The following SLC7A11 variants were observed in gnomAD, a reference collection of about 807,000 sequenced individuals.
The protein encoded by SLC7A11 is solute carrier family 7 member 11.
A neutral mutation model predicts 54.5 loss-of-function variants in SLC7A11; 35 were observed. The ratio of observed to expected loss-of-function variants is 0.64; its 90% confidence interval spans 0.49 to 0.85. The LOEUF is 0.85. Ranked by LOEUF, SLC7A11 falls within the 40% of genes least tolerant of loss-of-function variation. SLC7A11 has a pLI of 0.00. For missense variants in SLC7A11, 583 were observed against 618.1 expected (o/e 0.94, Z 0.60); for synonymous variants, 230 against 225.2 (o/e 1.02, Z -0.19).
chr4:138,241,723 T>C (rs1014778682), intron 1 of SLC7A11, 70 bp downstream of exon 1: 2 of 1,285,520 alleles, frequency 1.6e-6, no homozygotes, highest in East Asian at 2.3e-5. Flanking sequence ...AAAACTACCA[T>C]TTGCTTTCCC....
At chr4:138,233,016 CAAG>C (rs1738118362) in intron 2 of SLC7A11, among the ~76,000 whole-genome samples, 1 of 151,658 alleles carries the variant, frequency 6.6e-6, no homozygotes, top group Non-Finnish European at 1.5e-5. Flanking sequence ...ATAAATGAGA[CAAG>C]AATATGAAAT....
At chr4:138,181,172 A>G (rs1321751861) in intron 9 of SLC7A11, among the ~76,000 whole-genome samples, 1 of 152,146 alleles carries the variant, frequency 6.6e-6, no homozygotes, top group Non-Finnish European at 1.5e-5. Flanking sequence ...ACCGATAATG[A>G]ACAGTAAAAG....
intron 11 of SLC7A11, among the ~76,000 whole-genome samples, chr4:138,172,894 A>G (rs746963256): frequency 1.3e-5 from 2 of 152,096 alleles, no homozygotes; most frequent in Non-Finnish European, 2.9e-5. Flanking sequence ...CCCAGGTTAG[A>G]GTGCAATGGT....
intron 1 of SLC7A11, among the ~76,000 whole-genome samples, chr4:138,237,722 TATATATA>T (rs1738255798): frequency 1.5e-3 from 15 of 10,318 alleles, no homozygotes; most frequent in Non-Finnish European, 2.4e-3. Context: ...TATATATATA[TATATATA>T]TATATATATT....
intron 6 of SLC7A11, among the ~76,000 whole-genome samples, chr4:138,199,095 A>G (rs148205723): frequency 2.0e-5 from 3 of 152,234 alleles, no homozygotes; most frequent in African/African-American, 4.8e-5. Context: ...CAATAAACAA[A>G]CAAGTAAATA....
chr4:138,211,537 A>C (rs1737548506), intron 6 of SLC7A11, among the ~76,000 whole-genome samples: 1 of 151,870 alleles, frequency 6.6e-6, no homozygotes, highest in South Asian at 2.1e-4. Context: ...TGCTGGGTAT[A>C]TATCCAGAAG....
chr4:138,219,349 A>G lies in SLC7A11; in HGVS notation c.663T>C (p.Phe221=), dbSNP rs780661757. The G allele has an allele frequency of 1.5e-5, 24 of 1,603,214 alleles. No individual in the cohort carries two copies. The Admixed American group carries it at 2.5e-4, about 17-fold the overall frequency. ...AATCTCTTCCTGAAAAGGCGTCTTT[A>G]AAGTTCTGCGTTTGACCTGTAATTA... ...MQLIKGQTQN[F]KDAFSGRDSS... Residue 221 remains phenylalanine, a synonymous_variant, in exon 5 of 12, where the codon TTT becomes TTC. Coordinates refer to ENST00000280612, the MANE Select transcript of SLC7A11 (RefSeq NM_014331.4).
At chr4:138,229,725 T>C (rs934298258) in intron 3 of SLC7A11, among the ~76,000 whole-genome samples, 1 of 152,218 alleles carries the variant, frequency 6.6e-6, no homozygotes, top group South Asian at 2.1e-4. Context: ...TGAATTGGGA[T>C]AAACAAGAAA....
rs997055838 is a variant in SLC7A11 at position 138,242,325 on chromosome 4, T to C, written c.-256A>G. ...GTTCCACCACTGCTGCTGCTGCTGCTGCTGCCGCCCTATCATTACAAACCA... is the reference window on the plus strand; with the variant it reads ...GTTCCACCACTGCTGCTGCTGCTGCCGCTGCCGCCCTATCATTACAAACCA... On this transcript the variant is annotated 5_prime_UTR_variant, in exon 1 of 12. Coordinates refer to ENST00000280612, the MANE Select transcript of SLC7A11 (RefSeq NM_014331.4). 7.6e-6 allele frequency: 4 copies of C among 523,596 alleles called. No homozygotes were observed. The highest frequency in any genetic ancestry group is 1.4e-5 in the Non-Finnish European group (4 of 291,176). 32.4% of individuals were successfully genotyped at this position (523,596 alleles called of 1,614,324 possible). A position where few individuals can be genotyped will look rare whatever the true frequency, so the allele number is the denominator to read the frequency against.
intron 6 of SLC7A11, among the ~76,000 whole-genome samples, chr4:138,198,727 A>T (rs532575043): frequency 2.0e-5 from 3 of 152,182 alleles, no homozygotes; most frequent in Non-Finnish European, 2.9e-5. Context: ...TTTATATATG[A>T]AATGTATAAT....
intron 11 of SLC7A11, among the ~76,000 whole-genome samples, chr4:138,174,077 C>G (rs543768329): frequency 6.6e-6 from 1 of 152,088 alleles, no homozygotes. Context: ...CATCTACAGC[C>G]CTGTCTCCCC....
At chr4:138,193,035 A>G (rs1016797204) in intron 6 of SLC7A11, among the ~76,000 whole-genome samples, 3 of 152,304 alleles carry the variant, frequency 2.0e-5, no homozygotes, top group Admixed American at 6.5e-5. Flanking sequence ...CAGTAAACGC[A>G]TGTCTTAGAA....
chr4:138,173,049 G>A (rs1043532015), intron 11 of SLC7A11, among the ~76,000 whole-genome samples: 4 of 151,976 alleles, frequency 2.6e-5, no homozygotes, highest in South Asian at 2.1e-4. Context: ...CACCATGTTT[G>A]TCTGGGTGGT....
chr4:138,192,268 T>G (rs962059843), intron 6 of SLC7A11, among the ~76,000 whole-genome samples: 1 of 152,116 alleles, frequency 6.6e-6, no homozygotes, highest in Non-Finnish European at 1.5e-5. Flanking sequence ...AGTGACTCAT[T>G]CTTGCAAACA....
At position 138,180,266 on chromosome 4, in the gene SLC7A11, G is replaced by C. The variant is rs139352917; in HGVS notation, c.1266+375C>G. Reference sequence around the variant, plus strand: ...CCTTTTTGGAATTGGCATTAACAAAGTATCTCCCTTACTCCTCCTCACCAT... The same window carrying C: ...CCTTTTTGGAATTGGCATTAACAAACTATCTCCCTTACTCCTCCTCACCAT... On this transcript the variant is annotated intron_variant, in intron 10 of 11. Transcript: ENST00000280612. Among the ~76,000 whole-genome samples the C allele has an allele frequency of 4.5e-3, 692 of 152,172 alleles. 1 individual carries two copies. The highest frequency in any genetic ancestry group is 0.015 in the African/African-American group (606 of 41,546).
chr4:138,228,911 A>C (rs187917129), intron 3 of SLC7A11, among the ~76,000 whole-genome samples: 54 of 152,234 alleles, frequency 3.5e-4, no homozygotes, highest in Admixed American at 1.2e-3. Flanking sequence ...ATAAGCAAAA[A>C]CTTTTTTATC....
chr4:138,178,487 G>A (rs556907540), intron 11 of SLC7A11, among the ~76,000 whole-genome samples: 269 of 151,956 alleles, frequency 1.8e-3, no homozygotes, highest in Non-Finnish European at 2.7e-3. Context: ...TAAACCTTTG[G>A]GTATATACCC....
chr4:138,237,283 G>A lies in SLC7A11; in HGVS notation c.278-832C>T, dbSNP rs373168314. On this transcript the variant is annotated intron_variant, in intron 1 of 11. Coordinates refer to ENST00000280612, the MANE Select transcript of SLC7A11 (RefSeq NM_014331.4). Reference sequence around the variant, plus strand: ...ATTACAGGTGTGAGCCACTGTGCACGGCCAAGATTTCATTTAATTTGTAGG... The same window carrying A: ...ATTACAGGTGTGAGCCACTGTGCACAGCCAAGATTTCATTTAATTTGTAGG... Among the ~76,000 whole-genome samples, 114 of 151,574 alleles carry A rather than the reference G, an allele frequency of 7.5e-4. 1 individual carries two copies. In the South Asian group the frequency reaches 0.022, roughly 29 times the overall value.
intron 5 of SLC7A11, among the ~76,000 whole-genome samples, chr4:138,216,156 T>C (rs1383342312): frequency 1.3e-5 from 2 of 152,210 alleles, no homozygotes; most frequent in Non-Finnish European, 2.9e-5. Flanking sequence ...TAAGATCTAT[T>C]GTTCCAGCTT....
Sources: allele counts gnomAD v4.1 joint callset (sites outside exome capture counted in the v4.1 genomes callset), GRCh38; gene constraint gnomAD v4.1.1; transcripts MANE v1.5; gene names NCBI Gene and HGNC (gene_info 2026-07-23, HGNC 2026-07-21).